Variants in MECOM observed in about 807,000 individuals in gnomAD.
The protein encoded by MECOM is MDS1 and EVI1 complex locus, also known as histone-lysine N-methyltransferase MECOM.
Under a neutral mutation model 116.3 loss-of-function variants are expected in MECOM, and 13 were observed. The observed-to-expected ratio is 0.11, with a 90% CI of 0.07 to 0.18. MECOM has a LOEUF of 0.18. Among genes scored for constraint, MECOM ranks in the 10% least tolerant of loss-of-function variants. MECOM has a pLI of 1.00. For missense variants in MECOM, 1,299 were observed against 1,509.0 expected (o/e 0.86, Z 2.31); for synonymous variants, 528 against 535.2 (o/e 0.99, Z 0.19).
intron 2 of MECOM, among the ~76,000 whole-genome samples, chr3:169,150,751 A>G (rs139133676): frequency 1.3e-5 from 2 of 152,366 alleles, no homozygotes; most frequent in African/African-American, 2.4e-5. Flanking sequence ...ATTGTTGTTT[A>G]CCAGGAAAAG....
At chr3:169,376,796 T>C (rs577972881) in intron 2 of MECOM, among the ~76,000 whole-genome samples, 3 of 152,178 alleles carry the variant, frequency 2.0e-5, no homozygotes, top group South Asian at 4.1e-4. Context: ...CCAGCTACCA[T>C]TGACTTTCTT....
intron 2 of MECOM, among the ~76,000 whole-genome samples, chr3:169,256,766 G>T (rs1756916078): frequency 6.6e-6 from 1 of 152,194 alleles, no homozygotes; most frequent in Admixed American, 6.5e-5. Context: ...CAGGAAAGAT[G>T]CCTGGGCACA....
At chr3:169,567,685 G>A (rs1481154704) in intron 1 of MECOM, among the ~76,000 whole-genome samples, 1 of 152,110 alleles carries the variant, frequency 6.6e-6, no homozygotes, top group Non-Finnish European at 1.5e-5. Flanking sequence ...TTCCAGCCCA[G>A]GGCTCTTTCC....
chr3:169,536,851 T>C (rs559713031), intron 1 of MECOM, among the ~76,000 whole-genome samples: 4 of 152,330 alleles, frequency 2.6e-5, no homozygotes, highest in African/African-American at 9.6e-5. Flanking sequence ...TATGTGCCTG[T>C]AATTGATTTT....
At chr3:169,457,427 T>C (rs1328283245) in intron 1 of MECOM, among the ~76,000 whole-genome samples, 2 of 152,152 alleles carry the variant, frequency 1.3e-5, no homozygotes, top group Admixed American at 1.3e-4. Flanking sequence ...TAAATTAGTA[T>C]AGTACTTAAA....
intron 1 of MECOM, among the ~76,000 whole-genome samples, chr3:169,644,236 G>GTTTGTTTA (rs1174057544): frequency 5.4e-5 from 8 of 148,048 alleles, no homozygotes; most frequent in African/African-American, 1.3e-4. Flanking sequence ...TTATTTATTT[G>GTTTGTTTA]TTTATTTATT....
chr3:169,125,830 T>C (rs749376710), intron 5 of MECOM, among the ~76,000 whole-genome samples: 17 of 152,276 alleles, frequency 1.1e-4, no homozygotes, highest in Non-Finnish European at 1.9e-4. Context: ...TTCTTGCTCC[T>C]ATTTTTTTGT....
intron 1 of MECOM, among the ~76,000 whole-genome samples, chr3:169,548,013 T>C (rs1363491715): frequency 6.6e-6 from 1 of 152,190 alleles, no homozygotes; most frequent in Non-Finnish European, 1.5e-5. Flanking sequence ...TTTTCTTTGA[T>C]GGAGACATCA....
intron 16 of MECOM, 82 bp downstream of exon 16, chr3:169,088,914 TAGAA>T: frequency 8.6e-7 from 1 of 1,167,592 alleles, no homozygotes; most frequent in Non-Finnish European, 1.1e-6. Context: ...ATTTCAAAGA[TAGAA>T]TATTTGCTTT....
At chr3:169,595,901 A>T (rs1008366768) in intron 1 of MECOM, among the ~76,000 whole-genome samples, 1 of 149,860 alleles carries the variant, frequency 6.7e-6, no homozygotes, top group Admixed American at 6.7e-5. Context: ...AAGAAAAAAC[A>T]TCAAATCCAA....
rs1306275165 is a variant in MECOM at position 169,545,039 on chromosome 3, T to TA, written c.37+118296dup. Among the ~76,000 whole-genome samples, 16 of 152,094 alleles carry TA rather than the reference T, an allele frequency of 1.1e-4. No homozygotes were observed. In the South Asian group the frequency reaches 1.7e-3, roughly 16 times the overall value. On this transcript the variant is annotated intron_variant, in intron 1 of 16. Coordinates refer to ENST00000651503, the MANE Select transcript of MECOM (RefSeq NM_004991.4). Reference sequence around the variant, plus strand: ...GTATCCTGGAACTTAAAGTAAAATTTAAAAAAAATTTTTTTAATTAAAAAA... The same window carrying TA: ...GTATCCTGGAACTTAAAGTAAAATTTAAAAAAAAATTTTTTTAATTAAAAAA...
At chr3:169,378,589 A>G (rs907542029) in intron 2 of MECOM, among the ~76,000 whole-genome samples, 4 of 83,024 alleles carry the variant, frequency 4.8e-5, no homozygotes, top group East Asian at 7.2e-4. Context: ...AAAGAAAGTA[A>G]GTAAGTAAGT....
rs373451242 is a variant in MECOM at position 169,090,008 on chromosome 3, G to C, written c.3393C>G (p.Ser1131=). Residue 1131 remains serine, a synonymous_variant, in exon 15 of 17, where the codon TCC becomes TCG. Transcript: ENST00000651503. ...TSALEMSCKT[S]PVRYKEEEYK... ...TCACCCAAGGTACTCACCTCACTGG[G>C]GATGTCTTGCAACTCATCTCCAGGG... The C allele has an allele frequency of 3.7e-6, 6 of 1,612,738 alleles. No individual in the cohort carries two copies. The African/African-American group carries it at 5.3e-5, about 14-fold the overall frequency.
chr3:169,210,723 C>T (rs2149473362), intron 2 of MECOM, among the ~76,000 whole-genome samples: 1 of 152,260 alleles, frequency 6.6e-6, no homozygotes, highest in East Asian at 1.9e-4. Context: ...AGATAGAGAG[C>T]AGTTCCACCT....
At chr3:169,409,359 C>T (rs1440969650) in intron 1 of MECOM, among the ~76,000 whole-genome samples, 1 of 152,136 alleles carries the variant, frequency 6.6e-6, no homozygotes, top group Non-Finnish European at 1.5e-5. Flanking sequence ...TCTTATTTTG[C>T]TTGTGTTTTC....
At chr3:169,448,719 C>T (rs1241004719) in intron 1 of MECOM, among the ~76,000 whole-genome samples, 2 of 152,084 alleles carry the variant, frequency 1.3e-5, no homozygotes, top group African/African-American at 4.8e-5. Flanking sequence ...TAACACATTG[C>T]ATAATTCCAA....
intron 1 of MECOM, among the ~76,000 whole-genome samples, chr3:169,637,100 G>T (rs1772887135): frequency 6.6e-6 from 1 of 152,154 alleles, no homozygotes; most frequent in Admixed American, 6.5e-5. Context: ...AGCTTAGAAT[G>T]CTCCCTCCAG....
chr3:169,549,440 T>C (rs918869831), intron 1 of MECOM, among the ~76,000 whole-genome samples: 3 of 151,744 alleles, frequency 2.0e-5, no homozygotes, highest in African/African-American at 7.3e-5. Context: ...TTAAATCTGA[T>C]TACAACACAT....
chr3:169,093,265 T>C (rs993359163), intron 13 of MECOM, among the ~76,000 whole-genome samples, 163 bp from the exon 14 acceptor site: 6 of 152,210 alleles, frequency 3.9e-5, no homozygotes, highest in Non-Finnish European at 8.8e-5. Context: ...CAGTTTACCA[T>C]AATACACATG....
Sources: gnomAD v4.1 joint callset for allele counts (sites outside exome capture counted in the v4.1 genomes callset) on GRCh38, gnomAD v4.1.1 for gene constraint, MANE v1.5 for transcripts, NCBI Gene and HGNC (gene_info 2026-07-23, HGNC 2026-07-21) for gene names.